The following SEMA5A variants were observed in gnomAD, a reference collection of about 807,000 sequenced individuals.
SEMA5A encodes semaphorin 5A.
In SEMA5A, 55 loss-of-function variants were observed where a neutral mutation model predicts 135.5. The observed-to-expected ratio is 0.41, with a 90% CI of 0.33 to 0.51. The LOEUF (loss-of-function observed/expected upper bound fraction) is 0.51. Among genes scored for constraint, SEMA5A ranks in the 20% least tolerant of loss-of-function variants. The pLI is 0.37. For missense variants in SEMA5A, 1,290 were observed against 1,419.9 expected (o/e 0.91, Z 1.47); for synonymous variants, 580 against 546.5 (o/e 1.06, Z -0.85).
At chr5:9,205,464 C>T (rs544531422) in intron 8 of SEMA5A, among the ~76,000 whole-genome samples, 53 of 152,200 alleles carry the variant, frequency 3.5e-4, no homozygotes, top group African/African-American at 1.3e-3. Context: ...ATGACTTTCA[C>T]GAGGTCATTC....
intron 5 of SEMA5A, among the ~76,000 whole-genome samples, chr5:9,305,734 GCACACACA>G (rs111746284): frequency 3.5e-5 from 5 of 142,536 alleles, no homozygotes; most frequent in South Asian, 2.4e-4. Flanking sequence ...ATATTTACAC[GCACACACA>G]CACACACACA....
At chr5:9,482,720 T>C (rs1356037819) in intron 1 of SEMA5A, among the ~76,000 whole-genome samples, 1 of 152,154 alleles carries the variant, frequency 6.6e-6, no homozygotes, top group African/African-American at 2.4e-5. Context: ...CAATTGGCTC[T>C]CACAAGGTAG....
chr5:9,070,451 C>T (rs1293366168), intron 16 of SEMA5A, among the ~76,000 whole-genome samples: 1 of 152,186 alleles, frequency 6.6e-6, no homozygotes, highest in Non-Finnish European at 1.5e-5. Context: ...TTAACAAATG[C>T]AGCATTACCT....
chr5:9,314,666 C>A (rs866341291), intron 5 of SEMA5A, among the ~76,000 whole-genome samples: 1 of 151,690 alleles, frequency 6.6e-6, no homozygotes, highest in Non-Finnish European at 1.5e-5. Flanking sequence ...TCATAGAAAC[C>A]AACAAGGCCT....
Position 9,151,763 on chromosome 5 carries a change from T to C in SEMA5A, c.1481+2725A>G, listed in dbSNP as rs150650810. 3.5e-3 allele frequency among the ~76,000 whole-genome samples: 540 copies of C among 152,286 alleles called. 2 individuals carry two copies. The highest frequency in any genetic ancestry group is 0.013 in the African/African-American group (521 of 41,552). ...CTCTGAGGAAGGGCACACAGAAGAC[T>C]ATAGTCTATCAGTTGAAAATGAAGT... On this transcript the variant is annotated intron_variant, in intron 12 of 22. Transcript: ENST00000382496.
intron 11 of SEMA5A, 50 bp downstream of exon 11, chr5:9,190,217 C>A: frequency 6.4e-7 from 1 of 1,573,420 alleles, no homozygotes; most frequent in Non-Finnish European, 8.7e-7. Context: ...ATCTAAAACA[C>A]AAAATCAGAA....
chr5:9,386,332 TA>T (rs1755888738), intron 2 of SEMA5A, among the ~76,000 whole-genome samples: 1 of 152,028 alleles, frequency 6.6e-6, no homozygotes, highest in Admixed American at 6.5e-5. Flanking sequence ...GCCCAGTAAA[TA>T]GTTCTGCGTA....
chr5:9,310,311 C>T (rs1579321517), intron 5 of SEMA5A, among the ~76,000 whole-genome samples: 1 of 151,962 alleles, frequency 6.6e-6, no homozygotes, highest in South Asian at 2.1e-4. Context: ...TATAGGCCAA[C>T]GACATGCAAA....
intron 14 of SEMA5A, among the ~76,000 whole-genome samples, chr5:9,122,066 A>T (rs1489224617): frequency 1.3e-5 from 2 of 152,240 alleles, no homozygotes; most frequent in African/African-American, 4.8e-5. Context: ...CTCTGTGATC[A>T]TGGTGTTATA....
chr5:9,515,615 T>C (rs1037411159), intron 1 of SEMA5A, among the ~76,000 whole-genome samples: 3 of 152,118 alleles, frequency 2.0e-5, no homozygotes, highest in African/African-American at 4.8e-5. Context: ...ATGACAGATA[T>C]GTTCTGTCAC....
intron 11 of SEMA5A, among the ~76,000 whole-genome samples, chr5:9,166,123 T>A (rs1306562362): frequency 6.6e-6 from 1 of 152,182 alleles, no homozygotes; most frequent in African/African-American, 2.4e-5. Context: ...AATTTTAAAA[T>A]CACAAAGTAT....
At chr5:9,490,569 T>G (rs1734951434) in intron 1 of SEMA5A, among the ~76,000 whole-genome samples, 1 of 152,190 alleles carries the variant, frequency 6.6e-6, no homozygotes, top group African/African-American at 2.4e-5. Context: ...TGTATTCCTC[T>G]TTCAGGGCAA....
Position 9,381,977 on chromosome 5 carries a change from TGTGTGCGC to T in SEMA5A, c.-77-1962_-77-1955del, listed in dbSNP as rs1264434056. ...GTGTGTGTGTGTGTGTGTGTGTGTGTGTGTGCGCGCGCGCGCACATCAAGTTTCAGACA... is the reference window on the plus strand; with the variant it reads ...GTGTGTGTGTGTGTGTGTGTGTGTGTGCGCGCGCACATCAAGTTTCAGACA... On this transcript the variant is annotated intron_variant, in intron 2 of 22. Transcript: ENST00000382496. Among the ~76,000 whole-genome samples, 214 of 119,122 alleles carry T rather than the reference TGTGTGCGC, an allele frequency of 1.8e-3. 2 individuals carry two copies. Among genetic ancestry groups the T allele is most frequent in the African/African-American group, 7.1e-3 (201 of 28,402 alleles). 78.1% of individuals were successfully genotyped at this position (119,122 alleles called of 152,430 possible).
chr5:9,060,516 C>T (rs1737126726), intron 18 of SEMA5A, among the ~76,000 whole-genome samples: 1 of 152,084 alleles, frequency 6.6e-6, no homozygotes, highest in Non-Finnish European at 1.5e-5. Context: ...ATCTAGTGAG[C>T]TTGCCCACAG....
chr5:9,097,957 A>G (rs1194162317), intron 16 of SEMA5A, among the ~76,000 whole-genome samples: 1 of 152,200 alleles, frequency 6.6e-6, no homozygotes, highest in East Asian at 1.9e-4. Context: ...TTTTTAAAAA[A>G]TAAGGGCTGA....
chr5:9,443,434 G>A (rs956347173), intron 1 of SEMA5A, among the ~76,000 whole-genome samples: 1 of 152,090 alleles, frequency 6.6e-6, no homozygotes, highest in African/African-American at 2.4e-5. Flanking sequence ...GTCCTGAAAT[G>A]GTGCAGCCAA....
intron 1 of SEMA5A, among the ~76,000 whole-genome samples, chr5:9,496,416 A>G (rs1002097543): frequency 6.6e-6 from 1 of 152,214 alleles, no homozygotes; most frequent in Admixed American, 6.5e-5. Context: ...ATCTGTTAAA[A>G]TGCATTTCAG....
chr5:9,514,823 G>T (rs187609230), intron 1 of SEMA5A, among the ~76,000 whole-genome samples: 7 of 152,068 alleles, frequency 4.6e-5, no homozygotes, highest in Admixed American at 1.3e-4. Flanking sequence ...GCTTGCTAAG[G>T]TTCCTTCAAA....
intron 5 of SEMA5A, among the ~76,000 whole-genome samples, chr5:9,278,740 G>A (rs1159342274): frequency 6.6e-6 from 1 of 152,246 alleles, no homozygotes; most frequent in Non-Finnish European, 1.5e-5. Context: ...TACAGCTCAG[G>A]CTGAGGCTTC....
Sources: gnomAD v4.1 joint callset for allele counts (sites outside exome capture counted in the v4.1 genomes callset) on GRCh38, gnomAD v4.1.1 for gene constraint, MANE v1.5 for transcripts, NCBI Gene and HGNC (gene_info 2026-07-23, HGNC 2026-07-21) for gene names.